GPR107: variants seen among roughly 807,000 people sequenced by gnomAD.
GPR107 encodes the protein G protein-coupled receptor 107.
GPR107 carries 31 observed loss-of-function variants against 75.5 expected under a neutral mutation model. That is an observed-to-expected ratio of 0.41 (90% CI 0.31 to 0.55). The LOEUF (loss-of-function observed/expected upper bound fraction) is 0.55. GPR107 is among the 20% of genes least tolerant of loss of function. The pLI is 0.26. For missense variants in GPR107, 572 were observed against 665.7 expected (o/e 0.86, Z 1.55); for synonymous variants, 267 against 251.3 (o/e 1.06, Z -0.59).
At chr9:130,070,105 TC>T (rs1033190943) in intron 1 of GPR107, among the ~76,000 whole-genome samples, 21 of 144,216 alleles carry the variant, frequency 1.5e-4, no homozygotes, top group Admixed American at 7.2e-5. Context: ...CAAACTGTCC[TC>T]CCACCTCAGC....
chr9:130,130,684 A>G (rs1426736762), intron 17 of GPR107, among the ~76,000 whole-genome samples: 9 of 152,296 alleles, frequency 5.9e-5, no homozygotes, highest in East Asian at 3.9e-4. Context: ...AGCCTGGCCA[A>G]CATGGTGAAA....
At position 130,085,754 on chromosome 9, in the gene GPR107, A is replaced by ATT. The variant is rs71387311; in HGVS notation, c.565-650_565-649dup. Among the ~76,000 whole-genome samples, 59 of 78,672 alleles carry ATT rather than the reference A, an allele frequency of 7.5e-4. 11 individuals carry two copies. In the East Asian group the frequency reaches 9.9e-3, roughly 13 times the overall value. The allele number at this position is 78,672 out of a possible 152,430, so 51.6% of individuals were successfully genotyped here. A position where few individuals can be genotyped will look rare whatever the true frequency, so the allele number is the denominator to read the frequency against. Reference sequence around the variant, plus strand: ...TTACTGTATAAATGGCAATATTTTGATTTTTTTTTTTTTTTTTGCCGGGGG... The same window carrying ATT: ...TTACTGTATAAATGGCAATATTTTGATTTTTTTTTTTTTTTTTTTGCCGGGGG... On this transcript the variant is annotated intron_variant, in intron 6 of 17. Transcript: ENST00000347136.
intron 4 of GPR107, 84 bp from the exon 5 acceptor site, chr9:130,079,546 C>A: frequency 9.4e-7 from 1 of 1,067,520 alleles, no homozygotes; most frequent in South Asian, 1.6e-5. Context: ...ACTGCATGAG[C>A]TTGGCACAGG....
chr9:130,104,474 G>A lies in GPR107; in HGVS notation c.1186G>A (p.Glu396Lys), dbSNP rs746980945. 51 of 1,613,064 alleles carry A rather than the reference G, an allele frequency of 3.2e-5. No homozygotes were observed. Among genetic ancestry groups the A allele is most frequent in the Non-Finnish European group, 4.1e-5 (48 of 1,179,094 alleles). Reference protein sequence around the residue: ...IIESTEEGTTEYGLWKDSLFL... With the variant: ...IIESTEEGTTKYGLWKDSLFL... ...AGAGTCCACCGAGGAGGGCACGACT[G>A]AATATGGCTTGTGGAAGGACTCTCT... Residue 396 changes from glutamate to lysine, a missense_variant, in exon 13 of 18, where the codon GAA becomes AAA. Glu to Lys is a moderately conservative substitution (Grantham distance 56, BLOSUM62 1). Coordinates refer to ENST00000347136, the MANE Select transcript of GPR107 (RefSeq NM_020960.5).
At chr9:130,129,954 C>T (rs1034147856) in intron 17 of GPR107, 1 of 152,238 alleles carries the variant, frequency 6.6e-6, no homozygotes, top group African/African-American at 2.4e-5. Context: ...TTTCCCTCAG[C>T]CGTTACATCT....
chr9:130,063,688 G>A (rs560379951), intron 1 of GPR107, among the ~76,000 whole-genome samples: 1 of 151,786 alleles, frequency 6.6e-6, no homozygotes, highest in Admixed American at 6.6e-5. Flanking sequence ...TTGATTGCTG[G>A]GGTTTCTTAA....
chr9:130,120,850 G>A (rs1831529528), intron 14 of GPR107: 1 of 149,508 alleles, frequency 6.7e-6, no homozygotes. Flanking sequence ...TGATTTTTCA[G>A]TTACAGATCG....
intron 9 of GPR107, among the ~76,000 whole-genome samples, chr9:130,092,760 C>T (rs186484464): frequency 1.6e-4 from 24 of 152,144 alleles, no homozygotes; most frequent in African/African-American, 5.3e-4. Context: ...GGACTACAGG[C>T]GCCCGCCACC....
chr9:130,086,301 T>C, intron 6 of GPR107, 119 bp from the exon 7 acceptor site: 1 of 673,638 alleles, frequency 1.5e-6, no homozygotes, highest in Non-Finnish European at 2.7e-6. Context: ...AGAGAGCTTT[T>C]TTGAAGGTCA....
chr9:130,103,111 GA>G lies in GPR107; in HGVS notation c.1132-1308del, dbSNP rs1380216829. Among the ~76,000 whole-genome samples, 2 of 152,120 alleles carry G rather than the reference GA, an allele frequency of 1.3e-5. No individual in the cohort carries two copies. Among genetic ancestry groups the G allele is most frequent in the Non-Finnish European group, 2.9e-5 (2 of 68,030 alleles). ...CAGCCCTACTTTGTCTTTTTAGATG[GA>G]GCCACAGATGCTAGTGTTTTGGATA... On this transcript the variant is annotated intron_variant, in intron 12 of 17. Coordinates refer to ENST00000347136, the MANE Select transcript of GPR107 (RefSeq NM_020960.5). This position sits in a 1 kb window ranked among gnomAD's most constrained non-coding sequence, Gnocchi z 4.3.
At chr9:130,057,469 C>A (rs1476118093) in intron 1 of GPR107, among the ~76,000 whole-genome samples, 2 of 147,746 alleles carry the variant, frequency 1.4e-5, no homozygotes, top group Non-Finnish European at 3.0e-5. Context: ...ATAATGGCTC[C>A]AGCCTGGGGG....
At chr9:130,133,187 T>C (rs548600133) in intron 17 of GPR107, 1 of 152,242 alleles carries the variant, frequency 6.6e-6, no homozygotes, top group African/African-American at 2.4e-5. Context: ...TTTTCCTTGA[T>C]GACCTAGCAT....
chr9:130,072,490 A>T (rs990763754), intron 1 of GPR107, among the ~76,000 whole-genome samples: 2 of 151,996 alleles, frequency 1.3e-5, no homozygotes, highest in Non-Finnish European at 2.9e-5. Flanking sequence ...AAGTGCCGGG[A>T]TTACAGGTGT....
At position 130,136,362 on chromosome 9, in the gene GPR107, C is replaced by T. The variant is rs1288336172; in HGVS notation, c.*1241C>T. 2.0e-5 allele frequency: 3 copies of T among 152,212 alleles called. No individual in the cohort carries two copies. The highest frequency in any genetic ancestry group is 2.9e-5 in the Non-Finnish European group (2 of 68,046). The allele number at this position is 152,212 out of a possible 1,614,324, so 9.4% of individuals were successfully genotyped here. On this transcript the variant is annotated 3_prime_UTR_variant, in exon 18 of 18. Transcript: ENST00000347136. Reference sequence around the variant, plus strand: ...AAAATCATCTGAATAGTAGGACAAGCTCAGAAGGTACATTGTGACTGAGGG... The same window carrying T: ...AAAATCATCTGAATAGTAGGACAAGTTCAGAAGGTACATTGTGACTGAGGG...
chr9:130,084,057 T>TATATATAC (rs1292504320), intron 6 of GPR107, among the ~76,000 whole-genome samples: 1 of 147,140 alleles, frequency 6.8e-6, no homozygotes, highest in Non-Finnish European at 1.5e-5. Flanking sequence ...CATATATATA[T>TATATATAC]ATATATATAT....
At chr9:130,122,339 C>T (rs1051790461) in intron 14 of GPR107, among the ~76,000 whole-genome samples, 1 of 152,146 alleles carries the variant, frequency 6.6e-6, no homozygotes, top group East Asian at 1.9e-4. Flanking sequence ...AGGCAGAGTA[C>T]AGTATGAGCT....
chr9:130,123,892 T>G (rs1303070119), intron 14 of GPR107, among the ~76,000 whole-genome samples: 1 of 152,218 alleles, frequency 6.6e-6, no homozygotes, highest in Non-Finnish European at 1.5e-5. Context: ...TCAGGTGTTG[T>G]GTGCGTGCCT....
At chr9:130,083,663 T>TA in intron 6 of GPR107, 61 bp downstream of exon 6, 1 of 931,144 alleles carries the variant, frequency 1.1e-6, no homozygotes, top group Non-Finnish European at 1.6e-6. Context: ...GTGTGTGTGT[T>TA]ATATGCATGT....
chr9:130,096,831 A>C (rs1177206165), intron 9 of GPR107, among the ~76,000 whole-genome samples: 2 of 152,226 alleles, frequency 1.3e-5, no homozygotes, highest in African/African-American at 2.4e-5. Flanking sequence ...AAGTTTACAT[A>C]AAATATCTAT....
Sources: allele counts gnomAD v4.1 joint callset (sites outside exome capture counted in the v4.1 genomes callset), GRCh38; gene constraint gnomAD v4.1.1; non-coding constraint Gnocchi (gnomAD v3.1); transcripts MANE v1.5; gene names NCBI Gene and HGNC (gene_info 2026-07-23, HGNC 2026-07-21).